ASTN2: variants seen among roughly 807,000 people sequenced by gnomAD.
ASTN2 encodes astrotactin-2.
ASTN2 carries 54 observed loss-of-function variants against 139.8 expected under a neutral mutation model. That is an observed-to-expected ratio of 0.39 (90% confidence interval 0.31 to 0.48). The LOEUF is 0.48. ASTN2 is among the 20% of genes least tolerant of loss of function. ASTN2 has a pLI of 0.95. For synonymous variants in ASTN2, 756 were observed against 719.5 expected (o/e 1.05, Z -0.81); for missense variants, 1,565 against 1,725.1 (o/e 0.91, Z 1.64).
rs191419192 is a variant in ASTN2 at position 117,375,841 on chromosome 9, G to A, written c.442+38656C>T. Among the ~76,000 whole-genome samples, 20 of 152,204 alleles carry A rather than the reference G, an allele frequency of 1.3e-4. No individual in the cohort carries two copies. The East Asian group carries it at 3.9e-3, about 29-fold the overall frequency. Reference sequence around the variant, plus strand: ...GTCAGCAGGGCTGCATTCCCTTCTGGAGGCTCTTGGGGATAGCCCCTTTCC... The same window carrying A: ...GTCAGCAGGGCTGCATTCCCTTCTGAAGGCTCTTGGGGATAGCCCCTTTCC... On this transcript the variant is annotated intron_variant, in intron 1 of 22. Coordinates refer to ENST00000313400, the MANE Select transcript of ASTN2 (RefSeq NM_001365068.1).
At chr9:117,131,564 G>A (rs1829827869) in intron 4 of ASTN2, among the ~76,000 whole-genome samples, 1 of 152,272 alleles carries the variant, frequency 6.6e-6, no homozygotes, top group Admixed American at 6.5e-5. Context: ...TTAAATGAGA[G>A]TCTGGTACTT....
chr9:117,393,988 G>T (rs1183809264), intron 1 of ASTN2, among the ~76,000 whole-genome samples: 2 of 152,190 alleles, frequency 1.3e-5, no homozygotes, highest in African/African-American at 4.8e-5. Context: ...ACTATAAGAT[G>T]CACCAGACTT....
At chr9:116,835,001 G>T (rs1831941434) in intron 11 of ASTN2, among the ~76,000 whole-genome samples, 1 of 152,130 alleles carries the variant, frequency 6.6e-6, no homozygotes, top group African/African-American at 2.4e-5. Context: ...GTGAGCTGTG[G>T]TTGTGCTACT....
chr9:117,135,353 A>G (rs1829925965), intron 4 of ASTN2, among the ~76,000 whole-genome samples: 1 of 152,186 alleles, frequency 6.6e-6, no homozygotes, highest in Non-Finnish European at 1.5e-5. Flanking sequence ...AAATAAGATA[A>G]AATGTGTGAT....
At chr9:117,137,401 C>A (rs946289242) in intron 4 of ASTN2, among the ~76,000 whole-genome samples, 1 of 152,136 alleles carries the variant, frequency 6.6e-6, no homozygotes, top group African/African-American at 2.4e-5. Flanking sequence ...ACCAGGCAGC[C>A]CACGGCAACC....
chr9:117,012,615 G>A (rs543961987), intron 6 of ASTN2, among the ~76,000 whole-genome samples: 1 of 152,276 alleles, frequency 6.6e-6, no homozygotes, highest in Admixed American at 6.5e-5. Flanking sequence ...ATTGTCTTTG[G>A]ATATAAGGGA....
chr9:116,487,512 A>G lies in ASTN2; in HGVS notation c.3356-12T>C, dbSNP rs996634449. ...ACTCAGGAATTCTCCTGGAGGGAGA[A>G]AAAGAAAGATGAGCTCCCCAGCTCA... is the stretch of plus-strand genomic sequence containing the variant. On this transcript the variant is annotated splice_polypyrimidine_tract_variant and intron_variant, in intron 19 of 22. Coordinates refer to ENST00000313400, the MANE Select transcript of ASTN2 (RefSeq NM_001365068.1). 1.2e-6 allele frequency: 2 copies of G among 1,612,646 alleles called. No individual in the cohort carries two copies. The highest frequency in any genetic ancestry group is 1.7e-6 in the Non-Finnish European group (2 of 1,179,562).
At chr9:117,071,546 G>C (rs1170048695) in intron 5 of ASTN2, among the ~76,000 whole-genome samples, 3 of 150,582 alleles carry the variant, frequency 2.0e-5, no homozygotes, top group Non-Finnish European at 4.5e-5. Context: ...CACCCAGTTC[G>C]AGCTTCCCAG....
At chr9:116,961,832 C>G (rs4838041) in intron 10 of ASTN2, among the ~76,000 whole-genome samples, 1 of 152,018 alleles carries the variant, frequency 6.6e-6, no homozygotes, top group Non-Finnish European at 1.5e-5. Flanking sequence ...GATTCCTACA[C>G]CAGATCAAAA....
chr9:116,992,780 A>G (rs1218067565), intron 7 of ASTN2, among the ~76,000 whole-genome samples: 1 of 152,220 alleles, frequency 6.6e-6, no homozygotes, highest in East Asian at 1.9e-4. Flanking sequence ...TCAGTTCACC[A>G]GAACCTCCCT....
At chr9:116,648,353 AC>A (rs1480068104) in intron 17 of ASTN2, among the ~76,000 whole-genome samples, 4 of 151,606 alleles carry the variant, frequency 2.6e-5, no homozygotes, top group Admixed American at 1.3e-4. Flanking sequence ...CTGGTCTTGA[AC>A]CCACTGGGCT....
At chr9:116,914,901 A>G (rs945561052) in intron 10 of ASTN2, among the ~76,000 whole-genome samples, 4 of 152,192 alleles carry the variant, frequency 2.6e-5, no homozygotes, top group African/African-American at 9.6e-5. Flanking sequence ...TCACCAGCTC[A>G]AAGTCATAAA....
chr9:117,094,694 C>T (rs1006348468), intron 5 of ASTN2, among the ~76,000 whole-genome samples: 7 of 152,106 alleles, frequency 4.6e-5, no homozygotes, highest in African/African-American at 7.2e-5. Flanking sequence ...ACTCCTCCCA[C>T]GTGGGGCTTT....
At chr9:117,031,256 T>A (rs1375133159) in intron 6 of ASTN2, among the ~76,000 whole-genome samples, 5 of 152,138 alleles carry the variant, frequency 3.3e-5, no homozygotes, top group African/African-American at 1.2e-4. Context: ...TTTTGATGTA[T>A]CTTCTTAGGG....
At chr9:116,512,022 T>G (rs1364934683) in intron 19 of ASTN2, among the ~76,000 whole-genome samples, 2 of 152,192 alleles carry the variant, frequency 1.3e-5, no homozygotes, top group African/African-American at 2.4e-5. Flanking sequence ...GCTCTGATCT[T>G]AGTTATTTCT....
At chr9:117,372,333 G>C (rs80339454) in intron 1 of ASTN2, among the ~76,000 whole-genome samples, 1,538 of 152,282 alleles carry the variant, frequency 0.01, 27 homozygotes, top group African/African-American at 0.034. Flanking sequence ...TCAATGATCA[G>C]TCAGATATTG....
At chr9:116,942,266 G>T (rs1275232074) in intron 10 of ASTN2, among the ~76,000 whole-genome samples, 1 of 152,082 alleles carries the variant, frequency 6.6e-6, no homozygotes, top group Non-Finnish European at 1.5e-5. Flanking sequence ...TCCAACTGCA[G>T]CTAACCACCG....
Position 116,642,140 on chromosome 9 carries a change from AAAAAAC to A in ASTN2, c.3072+9382_3072+9387del, listed in dbSNP as rs1439430471. On this transcript the variant is annotated intron_variant, in intron 17 of 22. Transcript: ENST00000313400. ...TGAAGGCTCCCAACCCACAAAAAAA[AAAAAAC>A]AAAAAAAAACAGAATCAGTAGGAAG... is the stretch of plus-strand genomic sequence containing the variant. Among the ~76,000 whole-genome samples, 4 of 146,454 alleles carry A rather than the reference AAAAAAC, an allele frequency of 2.7e-5. No individual in the cohort carries two copies. In the East Asian group the frequency reaches 7.8e-4, roughly 29 times the overall value.
chr9:117,182,466 AC>A (rs1831099471), intron 3 of ASTN2, among the ~76,000 whole-genome samples: 1 of 152,036 alleles, frequency 6.6e-6, no homozygotes, highest in South Asian at 2.1e-4. Flanking sequence ...GAGATATTAA[AC>A]CCTAGAGCAT....
Sources: gnomAD v4.1 joint callset for allele counts (sites outside exome capture counted in the v4.1 genomes callset) on GRCh38, gnomAD v4.1.1 for gene constraint, MANE v1.5 for transcripts, NCBI Gene and HGNC (gene_info 2026-07-23, HGNC 2026-07-21) for gene names.